Variants in ARHGEF18 observed in about 807,000 individuals in gnomAD.
ARHGEF18 encodes Rho/Rac guanine nucleotide exchange factor 18.
A neutral mutation model predicts 155.7 loss-of-function variants in ARHGEF18; 93 were observed. The ratio of observed to expected loss-of-function variants is 0.60; its 90% CI spans 0.50 to 0.71. The LOEUF (loss-of-function observed/expected upper bound fraction) is 0.71, where lower values mean the gene tolerates loss of function less well. Ranked by LOEUF, ARHGEF18 falls within the 30% of genes least tolerant of loss-of-function variation. ARHGEF18 has a pLI of 0.00. For synonymous variants in ARHGEF18, 742 were observed against 753.1 expected, an observed-to-expected ratio of 0.99 and a Z score of 0.24; for missense variants, 1,593 against 1,816.1, an observed-to-expected ratio of 0.88 and a Z score of 2.23.
downstream of ARHGEF18, among the ~76,000 whole-genome samples, chr19:7,475,357 C>T (rs79059610): frequency 0.056 from 8,535 of 152,048 alleles, 285 homozygotes; most frequent in South Asian, 0.071. Context: ...CTGGGGGCTG[C>T]GGGTGGGTAA....
chr19:7,362,035 G>GGAGA lies in ARHGEF18; in HGVS notation c.-110-746_-110-745insGAGA, dbSNP rs1969593775. Among the ~76,000 whole-genome samples, 4 of 54,490 alleles carry GGAGA rather than the reference G, an allele frequency of 7.3e-5. No homozygotes were observed. In the East Asian group the frequency reaches 1.3e-3, roughly 17 times the overall value. The allele number at this position is 54,490 out of a possible 152,430, so 35.7% of individuals were successfully genotyped here. ...GAAGAAGGAGAAGGAGAAGGAGAAG[G>GGAGA]AGAAGGAGAAGGAGAAGGAGAAGGA... is the stretch of plus-strand genomic sequence containing the variant. On this transcript the variant is annotated intron_variant, in intron 1 of 28. Coordinates refer to ENST00000668164, the MANE Select transcript of ARHGEF18 (RefSeq NM_001367823.1).
chr19:7,428,098 C>T lies in ARHGEF18; in HGVS notation c.968-12246C>T, dbSNP rs568766001. On this transcript the variant is annotated intron_variant, in intron 10 of 28. Coordinates refer to ENST00000668164, the MANE Select transcript of ARHGEF18 (RefSeq NM_001367823.1). ...ATAAGATGATAAAACCAGAAAGTAGCTCAACAGTTAATTCCTGCGGTCATG... is the reference window on the plus strand; with the variant it reads ...ATAAGATGATAAAACCAGAAAGTAGTTCAACAGTTAATTCCTGCGGTCATG... 8.1e-4 allele frequency among the ~76,000 whole-genome samples: 124 copies of T among 152,254 alleles called. 1 individual carries two copies. Among genetic ancestry groups the T allele is most frequent in the African/African-American group, 2.9e-3 (121 of 41,546 alleles).
chr19:7,477,460 T>C, downstream of ARHGEF18: 1 of 1,404,034 alleles, frequency 7.1e-7, no homozygotes, highest in Non-Finnish European at 9.3e-7. Flanking sequence ...AGGGGCCGCT[T>C]ACACTCACGC....
intron 1 of ARHGEF18, chr19:7,355,560 C>T: frequency 1.1e-6 from 1 of 949,490 alleles, no homozygotes; most frequent in South Asian, 4.9e-5. Flanking sequence ...CTCTTACTGG[C>T]AGCCCCATCC....
chr19:7,392,613 G>T (rs929583813), intron 10 of ARHGEF18: 3 of 151,768 alleles, frequency 2.0e-5, no homozygotes, highest in African/African-American at 7.3e-5. Context: ...CACTCGGGAG[G>T]CTGAGGCAGG....
At chr19:7,453,214 CA>C (rs112229443) in intron 16 of ARHGEF18, among the ~76,000 whole-genome samples, 3 of 150,556 alleles carry the variant, frequency 2.0e-5, no homozygotes, top group African/African-American at 5.0e-5. Flanking sequence ...CTCCCCCCCC[CA>C]AAAAAAACCT....
chr19:7,459,154 G>C (rs7254666), intron 19 of ARHGEF18, among the ~76,000 whole-genome samples: 116,008 of 151,304 alleles, frequency 0.77, 44,769 homozygotes, highest in East Asian at 0.85. Flanking sequence ...AAACGATTCT[G>C]CTGCCTCAGC....
rs1969435929 is a variant in ARHGEF18 at position 7,358,965 on chromosome 19, A to G, written c.-110-3816A>G. Among the ~76,000 whole-genome samples, 4 of 152,230 alleles carry G rather than the reference A, an allele frequency of 2.6e-5. No homozygotes were observed. In the South Asian group the frequency reaches 8.3e-4, roughly 31 times the overall value. On this transcript the variant is annotated intron_variant, in intron 1 of 28. Coordinates refer to ENST00000668164, the MANE Select transcript of ARHGEF18 (RefSeq NM_001367823.1). ...GACCTCATGCTCTAGAGCATGGATC[A>G]GCAAACCTTTTCTATAAAGAGCTAG...
chr19:7,414,346 G>T (rs930019593), intron 10 of ARHGEF18, among the ~76,000 whole-genome samples: 1 of 152,140 alleles, frequency 6.6e-6, no homozygotes, highest in Admixed American at 6.5e-5. Flanking sequence ...ACAACTTCGG[G>T]GTTTCAGTTG....
chr19:7,467,182 G>T, intron 25 of ARHGEF18, 32 bp from the exon 26 acceptor site: 1 of 1,578,430 alleles, frequency 6.3e-7, no homozygotes, highest in Non-Finnish European at 8.6e-7. Flanking sequence ...CGCAGGTGCG[G>T]CTCTCACTCG....
chr19:7,439,507 C>T (rs752637231), intron 10 of ARHGEF18, among the ~76,000 whole-genome samples: 7 of 152,048 alleles, frequency 4.6e-5, no homozygotes, highest in African/African-American at 7.2e-5. Context: ...GTGAGCTTGT[C>T]AGCGGGCACA....
the ARHGEF18 span, chr19:7,478,450 A>G: frequency 6.8e-7 from 1 of 1,478,686 alleles, no homozygotes; most frequent in Non-Finnish European, 9.2e-7. Context: ...CTGGCCCCGG[A>G]CATACAGTCT....
intron 7 of ARHGEF18, among the ~76,000 whole-genome samples, chr19:7,379,665 G>A (rs921012333): frequency 1.3e-5 from 2 of 152,170 alleles, no homozygotes; most frequent in African/African-American, 4.8e-5. Context: ...GCTGCCACTG[G>A]CATAGGGGTT....
rs757680875 is a variant in ARHGEF18, at chr19:7,468,777, C to T, written c.3481-48C>T. On this transcript the variant is annotated intron_variant, in intron 26 of 28. Coordinates refer to ENST00000668164, the MANE Select transcript of ARHGEF18 (RefSeq NM_001367823.1). Reference sequence around the variant, plus strand: ...CGACCCTCGGGGGCTCTCCAGAGGCCGCACAGCAGGAACCTCACATTGGAT... The same window carrying T: ...CGACCCTCGGGGGCTCTCCAGAGGCTGCACAGCAGGAACCTCACATTGGAT... The T allele has an allele frequency of 1.7e-5, 25 of 1,479,722 alleles. No homozygotes were observed. In the Admixed American group the frequency reaches 2.0e-4, roughly 12 times the overall value. 91.7% of individuals were successfully genotyped at this position (1,479,722 alleles called of 1,614,324 possible).
chr19:7,398,964 TCAAGATCTCCCTCATTCTCAC>T (rs1247293030), intron 10 of ARHGEF18, among the ~76,000 whole-genome samples: 1 of 152,240 alleles, frequency 6.6e-6, no homozygotes, highest in Non-Finnish European at 1.5e-5. Flanking sequence ...AGATCGTGTG[TCAAGATCTCCCTCATTCTCAC>T]TCATCCTGGG....
Position 7,462,486 on chromosome 19 carries a change from G to A in ARHGEF18, c.2635+152G>A, listed in dbSNP as rs1976336985. ...GGGGGGCCCAGGAGCAGCACTGACC[G>A]CCCCCCGGTGCCTGTGAGAGCCAGA... On this transcript the variant is annotated intron_variant, in intron 21 of 28. Coordinates refer to ENST00000668164, the MANE Select transcript of ARHGEF18 (RefSeq NM_001367823.1). The surrounding 1 kb of genome is among the most constrained non-coding windows in gnomAD (Gnocchi z 4.4). 8.5e-6 allele frequency: 8 copies of A among 936,620 alleles called. No homozygotes were observed. The highest frequency in any genetic ancestry group is 5.5e-5 in the East Asian group (2 of 36,290). 58.0% of individuals were successfully genotyped at this position (936,620 alleles called of 1,614,324 possible). A position where few individuals can be genotyped will look rare whatever the true frequency, so the allele number is the denominator to read the frequency against.
chr19:7,477,116 GC>G, downstream of ARHGEF18: 1 of 1,270,476 alleles, frequency 7.9e-7, no homozygotes, highest in Non-Finnish European at 1.0e-6. Flanking sequence ...CTCCATGAGA[GC>G]CCCGGCCCCT....
chr19:7,367,699 T>C (rs1330225707), intron 2 of ARHGEF18, among the ~76,000 whole-genome samples: 1 of 143,100 alleles, frequency 7.0e-6, no homozygotes, highest in African/African-American at 2.6e-5. Flanking sequence ...TGAGCCAAGA[T>C]CGCACCATTG....
chr19:7,443,705 A>T (rs1206614834), intron 13 of ARHGEF18, among the ~76,000 whole-genome samples: 2 of 150,754 alleles, frequency 1.3e-5, no homozygotes, highest in Admixed American at 1.3e-4. Context: ...ATGAGTTTTA[A>T]CAGCCACAGG....
Sources: allele counts gnomAD v4.1 joint callset (sites outside exome capture counted in the v4.1 genomes callset), GRCh38; gene constraint gnomAD v4.1.1; non-coding constraint Gnocchi (gnomAD v3.1); transcripts MANE v1.5; gene names NCBI Gene and HGNC (gene_info 2026-07-23, HGNC 2026-07-21).